FOXJ3: variants seen among roughly 807,000 people sequenced by gnomAD.
FOXJ3 encodes forkhead box protein J3.
Under a neutral mutation model 76.1 loss-of-function variants are expected in FOXJ3, and 22 were observed. The ratio of observed to expected loss-of-function variants is 0.29; its 90% CI spans 0.21 to 0.41. The LOEUF is 0.41. Among genes scored for constraint, FOXJ3 ranks in the 10% least tolerant of loss-of-function variants. The pLI, the probability that FOXJ3 is intolerant of heterozygous loss-of-function variation, is 1.00. For synonymous variants in FOXJ3, 269 were observed against 261.2 expected, an observed-to-expected ratio of 1.03 and a Z score of -0.29; for missense variants, 613 against 762.1, an observed-to-expected ratio of 0.80 and a Z score of 2.30.
intron 2 of FOXJ3, among the ~76,000 whole-genome samples, chr1:42,291,964 C>T (rs1219224036): frequency 6.6e-6 from 1 of 151,872 alleles, no homozygotes; most frequent in East Asian, 1.9e-4. Context: ...GCCAGGAGGA[C>T]GGGAGCAGGC....
At chr1:42,222,073 A>G (rs906615560) in intron 5 of FOXJ3, among the ~76,000 whole-genome samples, 6 of 135,720 alleles carry the variant, frequency 4.4e-5, no homozygotes, top group African/African-American at 1.2e-4. Context: ...GAAGAAGAAG[A>G]AGAAGAAGAA....
At chr1:42,282,407 A>G (rs1170335024) in intron 2 of FOXJ3, among the ~76,000 whole-genome samples, 1 of 152,166 alleles carries the variant, frequency 6.6e-6, no homozygotes, top group Admixed American at 6.5e-5. Context: ...TACTACATCT[A>G]AATTCCTCAT....
chr1:42,331,382 A>AAATAAT (rs202136162), intron 1 of FOXJ3, among the ~76,000 whole-genome samples: 5 of 151,972 alleles, frequency 3.3e-5, no homozygotes, highest in African/African-American at 4.8e-5. Flanking sequence ...ACTCTGTCTC[A>AAATAAT]AATAATAATA....
chr1:42,295,517 G>A (rs992480970), intron 2 of FOXJ3, among the ~76,000 whole-genome samples: 1 of 130,044 alleles, frequency 7.7e-6, no homozygotes, highest in African/African-American at 3.0e-5. Context: ...GACTACAAGT[G>A]TCTTTTTTTT....
chr1:42,208,850 G>A (rs1228837092), intron 5 of FOXJ3, among the ~76,000 whole-genome samples: 5 of 152,090 alleles, frequency 3.3e-5, no homozygotes, highest in Admixed American at 6.5e-5. Context: ...CCTTAAACAC[G>A]TTCAGAACAC....
chr1:42,326,345 T>C (rs1655829301), intron 1 of FOXJ3, among the ~76,000 whole-genome samples: 1 of 152,202 alleles, frequency 6.6e-6, no homozygotes, highest in Non-Finnish European at 1.5e-5. Context: ...AAATGATATA[T>C]GGTCACTGTA....
chr1:42,203,420 T>C (rs1373737838), intron 6 of FOXJ3, among the ~76,000 whole-genome samples: 1 of 152,250 alleles, frequency 6.6e-6, no homozygotes, highest in Admixed American at 6.5e-5. Flanking sequence ...GAATTCCATT[T>C]TCTTTCGGCA....
At chr1:42,183,204 C>G (rs943269871) in intron 11 of FOXJ3, among the ~76,000 whole-genome samples, 1 of 148,138 alleles carries the variant, frequency 6.8e-6, no homozygotes, top group Non-Finnish European at 1.5e-5. Context: ...TGCAGTGAAC[C>G]GAGATTGTGC....
chr1:42,179,052 A>T lies in FOXJ3; in HGVS notation c.*658T>A, dbSNP rs1434572743. ...ACTCTATGATCCCCCAAGCATCAAAACCAATTTGGTCAGTTCTTCATGCTG... is the reference window on the plus strand; with the variant it reads ...ACTCTATGATCCCCCAAGCATCAAATCCAATTTGGTCAGTTCTTCATGCTG... On this transcript the variant is annotated 3_prime_UTR_variant, in exon 13 of 13. Coordinates refer to ENST00000361346, the MANE Select transcript of FOXJ3 (RefSeq NM_014947.5). The T allele has an allele frequency of 6.6e-6, 1 of 152,558 alleles. No individual in the cohort carries two copies. The highest frequency in any genetic ancestry group is 2.4e-5 in the African/African-American group (1 of 41,424). 9.5% of individuals were successfully genotyped at this position (152,558 alleles called of 1,614,324 possible).
At chr1:42,290,107 A>AGTGGGG (rs1653324117) in intron 2 of FOXJ3, among the ~76,000 whole-genome samples, 7 of 152,136 alleles carry the variant, frequency 4.6e-5, no homozygotes, top group Non-Finnish European at 8.8e-5. Context: ...GGAGGAGAAG[A>AGTGGGG]AAAAGATAGT....
At chr1:42,201,939 A>T (rs762760482) in intron 6 of FOXJ3, among the ~76,000 whole-genome samples, 14 of 152,112 alleles carry the variant, frequency 9.2e-5, no homozygotes, top group African/African-American at 3.1e-4. Context: ...AGTTTTGATA[A>T]GTCATTTTTT....
chr1:42,310,511 G>A lies in FOXJ3; in HGVS notation c.44+539C>T, dbSNP rs556242139. On this transcript the variant is annotated intron_variant, in intron 2 of 12. Transcript: ENST00000361346. ...CCCCCAGGCTGGAGTGCAGTGGCAC[G>A]ATCTCAGCTGACTGCAACCTCCGCC... Among the ~76,000 whole-genome samples the A allele has an allele frequency of 2.1e-4, 32 of 149,938 alleles. No homozygotes were observed. In the East Asian group the frequency reaches 5.1e-3, roughly 24 times the overall value.
chr1:42,315,303 T>C, intron 1 of FOXJ3: 1 of 432,744 alleles, frequency 2.3e-6, no homozygotes, highest in Non-Finnish European at 3.1e-6. Flanking sequence ...ACTACTGAAT[T>C]GTACACTTTA....
chr1:42,237,959 C>CAT (rs1187302411), intron 4 of FOXJ3, among the ~76,000 whole-genome samples: 6 of 151,744 alleles, frequency 4.0e-5, no homozygotes, highest in Admixed American at 6.6e-5. Flanking sequence ...GACACACACA[C>CAT]ATATATATAT....
chr1:42,211,253 T>C (rs1313334010), intron 5 of FOXJ3, among the ~76,000 whole-genome samples: 1 of 152,164 alleles, frequency 6.6e-6, no homozygotes, highest in Non-Finnish European at 1.5e-5. Flanking sequence ...TTGGGGTAAC[T>C]GCATCCTTAA....
At chr1:42,267,595 A>G (rs192592841) in intron 3 of FOXJ3, among the ~76,000 whole-genome samples, 15 of 152,228 alleles carry the variant, frequency 9.9e-5, no homozygotes, top group East Asian at 1.9e-4. Flanking sequence ...AAAGAAAGGA[A>G]AACTTACTGC....
chr1:42,237,897 T>C (rs543312854), intron 4 of FOXJ3, among the ~76,000 whole-genome samples: 46 of 138,420 alleles, frequency 3.3e-4, no homozygotes, highest in African/African-American at 1.1e-3. Flanking sequence ...ATTACATTGG[T>C]ACCTCTATCA....
At chr1:42,249,988 A>G (rs1168974355) in intron 4 of FOXJ3, among the ~76,000 whole-genome samples, 1 of 152,230 alleles carries the variant, frequency 6.6e-6, no homozygotes, top group Non-Finnish European at 1.5e-5. Context: ...GTGTATCATA[A>G]ATGCAAGAAA....
At chr1:42,260,151 A>C (rs183992187) in intron 4 of FOXJ3, among the ~76,000 whole-genome samples, 4 of 152,264 alleles carry the variant, frequency 2.6e-5, no homozygotes, top group Non-Finnish European at 4.4e-5. Flanking sequence ...TTCCTTCTTT[A>C]AGGTAATACC....
Sources: gnomAD v4.1 joint callset for allele counts (sites outside exome capture counted in the v4.1 genomes callset) on GRCh38, gnomAD v4.1.1 for gene constraint, MANE v1.5 for transcripts, NCBI Gene and HGNC (gene_info 2026-07-23, HGNC 2026-07-21) for gene names.